GREM2: variants seen among roughly 807,000 people sequenced by gnomAD.
The protein encoded by GREM2 is gremlin-2.
GREM2 carries 11 observed loss-of-function variants against 14.2 expected under a neutral mutation model. The ratio of observed to expected loss-of-function variants is 0.78; its 90% CI spans 0.49 to 1.28. The LOEUF (loss-of-function observed/expected upper bound fraction) is 1.28. Among genes scored for constraint, GREM2 ranks in the 50% most tolerant of loss-of-function variants. The pLI is 0.00. For synonymous variants in GREM2, 98 were observed against 97.6 expected (o/e 1.00, Z -0.02); for missense variants, 210 against 218.5 (o/e 0.96, Z 0.24).
intron 1 of GREM2, among the ~76,000 whole-genome samples, chr1:240,533,992 T>C (rs1169240391): frequency 6.6e-6 from 1 of 152,210 alleles, no homozygotes; most frequent in Non-Finnish European, 1.5e-5. Flanking sequence ...GATATGTATT[T>C]GTTGGAAAGG....
At chr1:240,520,554 T>C (rs1434896784) in intron 1 of GREM2, among the ~76,000 whole-genome samples, 1 of 152,020 alleles carries the variant, frequency 6.6e-6, no homozygotes, top group East Asian at 1.9e-4. Flanking sequence ...AACTTTTTCT[T>C]TTTTTTTGAG....
intron 1 of GREM2, among the ~76,000 whole-genome samples, chr1:240,539,472 G>C (rs1371864565): frequency 6.6e-6 from 1 of 152,184 alleles, no homozygotes; most frequent in Non-Finnish European, 1.5e-5. Flanking sequence ...CCTTCCCAGA[G>C]CCCTAATTTT....
intron 1 of GREM2, among the ~76,000 whole-genome samples, chr1:240,602,460 T>A (rs919863859): frequency 6.6e-6 from 1 of 152,200 alleles, no homozygotes; most frequent in Non-Finnish European, 1.5e-5. Flanking sequence ...ACACTAAGCA[T>A]TGTGATTCTC....
At chr1:240,517,992 G>T (rs1677988311) in intron 1 of GREM2, among the ~76,000 whole-genome samples, 1 of 152,088 alleles carries the variant, frequency 6.6e-6, no homozygotes. Context: ...CAGAAAATAG[G>T]AGTCCTCCTA....
chr1:240,571,823 A>G (rs1382665771), intron 1 of GREM2, among the ~76,000 whole-genome samples: 1 of 152,212 alleles, frequency 6.6e-6, no homozygotes, highest in Non-Finnish European at 1.5e-5. Flanking sequence ...TGCCATTACC[A>G]GTCACTTCCC....
intron 1 of GREM2, among the ~76,000 whole-genome samples, chr1:240,600,148 C>G (rs1431193643): frequency 6.6e-6 from 1 of 152,164 alleles, no homozygotes; most frequent in Non-Finnish European, 1.5e-5. Flanking sequence ...GGTTCGAGTG[C>G]TAATTTGACA....
chr1:240,540,082 G>T lies in GREM2; in HGVS notation c.-1-46606C>A, dbSNP rs1041855109. 2.0e-5 allele frequency among the ~76,000 whole-genome samples: 3 copies of T among 152,096 alleles called. No homozygotes were observed. Among genetic ancestry groups the T allele is most frequent in the African/African-American group, 7.2e-5 (3 of 41,414 alleles). ...GCTTGGCATAGCTGACAGCCACTCT[G>T]TTCCTATACCCCTGACTAAATTGCA... On this transcript the variant is annotated intron_variant, in intron 1 of 1. Transcript: ENST00000318160. This position sits in a 1 kb window ranked among gnomAD's most constrained non-coding sequence, Gnocchi z 4.2.
chr1:240,516,807 G>T (rs976142965), intron 1 of GREM2, among the ~76,000 whole-genome samples: 1 of 152,134 alleles, frequency 6.6e-6, no homozygotes, highest in Non-Finnish European at 1.5e-5. Flanking sequence ...AGAATTGTGG[G>T]TTTTAATTTT....
intron 1 of GREM2, among the ~76,000 whole-genome samples, chr1:240,592,511 G>A (rs532251258): frequency 6.6e-6 from 1 of 152,232 alleles, no homozygotes; most frequent in South Asian, 2.1e-4. Flanking sequence ...GACAAATAAG[G>A]TTTGCTGAAG....
chr1:240,541,261 C>A (rs1263653200), intron 1 of GREM2, among the ~76,000 whole-genome samples: 2 of 152,122 alleles, frequency 1.3e-5, no homozygotes, highest in East Asian at 3.9e-4. Context: ...CATGGATTGA[C>A]CCAGTGGATT....
chr1:240,498,840 T>G (rs1677496211), intron 1 of GREM2, among the ~76,000 whole-genome samples: 1 of 152,204 alleles, frequency 6.6e-6, no homozygotes, highest in Non-Finnish European at 1.5e-5. Flanking sequence ...AAATAAATCC[T>G]GTTGGTTTTA....
rs139827809 is a variant in GREM2, at chr1:240,501,616, G to A, written c.-1-8140C>T. ...TAAATAAGGAGATGAATGAGGAAGCGCTTGGAAAGCTGTGCGTTTATACAC... is the reference window on the plus strand; with the variant it reads ...TAAATAAGGAGATGAATGAGGAAGCACTTGGAAAGCTGTGCGTTTATACAC... On this transcript the variant is annotated intron_variant, in intron 1 of 1. Transcript: ENST00000318160. 3.4e-3 allele frequency among the ~76,000 whole-genome samples: 514 copies of A among 152,228 alleles called. 1 individual carries two copies. Among genetic ancestry groups the A allele is most frequent in the Non-Finnish European group, 5.0e-3 (340 of 68,002 alleles).
rs1679240789 is a variant in GREM2, at chr1:240,570,549, C to A, written c.-2+41335G>T. 3.9e-5 allele frequency among the ~76,000 whole-genome samples: 6 copies of A among 152,238 alleles called. No individual in the cohort carries two copies. The South Asian group carries it at 1.2e-3, about 32-fold the overall frequency. On this transcript the variant is annotated intron_variant, in intron 1 of 1. Coordinates refer to ENST00000318160, the MANE Select transcript of GREM2 (RefSeq NM_022469.4). ...GAAAGTTGAGGAAACTAGCAAAAAA[C>A]CAGTATGCCCCCTTTTAATAAAAAG...
chr1:240,502,856 G>A (rs12136933), intron 1 of GREM2, among the ~76,000 whole-genome samples: 1 of 151,970 alleles, frequency 6.6e-6, no homozygotes, highest in Non-Finnish European at 1.5e-5. Flanking sequence ...GAGTTGAAAG[G>A]TGGTTGGTCC....
At chr1:240,523,297 G>T (rs1430676314) in intron 1 of GREM2, among the ~76,000 whole-genome samples, 2 of 152,156 alleles carry the variant, frequency 1.3e-5, no homozygotes, top group Non-Finnish European at 1.5e-5. Context: ...CTGGAGCAGG[G>T]TTTCTCAGCT....
In GREM2 at chr1:240,492,795, C is replaced by A; in HGVS notation, c.*174G>T. ...GGTCAGGAACACATCAGCAAAAGCTCCACTTGCGATCCACGTCTGTGACAA... is the reference window on the plus strand; with the variant it reads ...GGTCAGGAACACATCAGCAAAAGCTACACTTGCGATCCACGTCTGTGACAA... On this transcript the variant is annotated 3_prime_UTR_variant, in exon 2 of 2. Coordinates refer to ENST00000318160, the MANE Select transcript of GREM2 (RefSeq NM_022469.4). 3 of 598,018 alleles carry A rather than the reference C, an allele frequency of 5.0e-6. No homozygotes were observed. Among genetic ancestry groups the A allele is most frequent in the Non-Finnish European group, 7.2e-6 (3 of 414,034 alleles). The allele number at this position is 598,018 out of a possible 1,614,324, so 37.0% of individuals were successfully genotyped here. A position where few individuals can be genotyped will look rare whatever the true frequency, so the allele number is the denominator to read the frequency against.
chr1:240,593,848 C>T (rs1048923493), intron 1 of GREM2, among the ~76,000 whole-genome samples: 4 of 151,952 alleles, frequency 2.6e-5, no homozygotes, highest in African/African-American at 9.7e-5. Flanking sequence ...CGTTTCTTTG[C>T]TCTGCAATGG....
chr1:240,557,522 A>C (rs932617554), intron 1 of GREM2, among the ~76,000 whole-genome samples: 10 of 152,192 alleles, frequency 6.6e-5, no homozygotes, highest in Admixed American at 6.5e-5. Flanking sequence ...CAGAGCAAGG[A>C]CTTTAAATTT....
rs1677268803 is a variant in GREM2 at position 240,492,240 on chromosome 1, T to G, written c.*729A>C. On this transcript the variant is annotated 3_prime_UTR_variant, in exon 2 of 2. Coordinates refer to ENST00000318160, the MANE Select transcript of GREM2 (RefSeq NM_022469.4). Reference sequence around the variant, plus strand: ...AATAGCATGCACACCAGAGTTCATCTTTAGTCCACAAATAGGGGGCGGGGA... The same window carrying G: ...AATAGCATGCACACCAGAGTTCATCGTTAGTCCACAAATAGGGGGCGGGGA... 1 of 453,132 alleles carries G rather than the reference T, an allele frequency of 2.2e-6. No individual in the cohort carries two copies. The highest frequency in any genetic ancestry group is 4.4e-6 in the Non-Finnish European group (1 of 224,858). The allele number at this position is 453,132 out of a possible 1,614,324, so 28.1% of individuals were successfully genotyped here.
Sources: allele counts gnomAD v4.1 joint callset (sites outside exome capture counted in the v4.1 genomes callset), GRCh38; gene constraint gnomAD v4.1.1; non-coding constraint Gnocchi (gnomAD v3.1); transcripts MANE v1.5; gene names NCBI Gene and HGNC (gene_info 2026-07-23, HGNC 2026-07-21).